The following ENTPD6 variants were observed in gnomAD, a reference collection of about 807,000 sequenced individuals.
ENTPD6 encodes CD39 antigen-like 2.
A neutral mutation model predicts 61.5 loss-of-function variants in ENTPD6; 46 were observed. The ratio of observed to expected loss-of-function variants is 0.75; its 90% CI spans 0.59 to 0.96. The LOEUF (loss-of-function observed/expected upper bound fraction) is 0.96, where lower values mean the gene tolerates loss of function less well. ENTPD6 is among the 40% of genes least tolerant of loss of function. The pLI is 0.00. For synonymous variants in ENTPD6, 252 were observed against 255.5 expected (o/e 0.99, Z 0.13); for missense variants, 612 against 629.0 (o/e 0.97, Z 0.29).
At chr20:25,196,263 A>C in intron 1 of ENTPD6, 1 of 1,064,772 alleles carries the variant, frequency 9.4e-7, no homozygotes, top group Non-Finnish European at 1.1e-6. Context: ...AGGTAGGATC[A>C]GGCCGCTCGG....
intron 12 of ENTPD6, among the ~76,000 whole-genome samples, 162 bp downstream of exon 12, chr20:25,223,140 A>C (rs1274100541): frequency 6.6e-6 from 1 of 152,122 alleles, no homozygotes; most frequent in African/African-American, 2.4e-5. Context: ...TCTCATCCTG[A>C]GTAGGAAAAG....
Position 25,218,681 on chromosome 20 carries a change from G to A in ENTPD6, c.943+67G>A, listed in dbSNP as rs1170451812. 7 of 1,471,436 alleles carry A rather than the reference G, an allele frequency of 4.8e-6. No homozygotes were observed. In the Admixed American group the frequency reaches 1.0e-4, roughly 21 times the overall value. The allele number at this position is 1,471,436 out of a possible 1,614,324, so 91.1% of individuals were successfully genotyped here. ...GCCCTCCATTCTCAGTGGGAACGAGGAGCCCCTCGGGAGGGCACCAGCTTG... is the reference window on the plus strand; with the variant it reads ...GCCCTCCATTCTCAGTGGGAACGAGAAGCCCCTCGGGAGGGCACCAGCTTG... On this transcript the variant is annotated intron_variant, in intron 10 of 14. Transcript: ENST00000376652.
At chr20:25,196,057 TG>T (rs995626395) in intron 1 of ENTPD6, 190 bp downstream of exon 1, 3 of 901,144 alleles carry the variant, frequency 3.3e-6, no homozygotes, top group South Asian at 5.8e-5. Flanking sequence ...CGCTGACCGG[TG>T]GGGGGCAAGT....
chr20:25,222,686 C>A, intron 11 of ENTPD6, 152 bp from the exon 12 acceptor site: 1 of 994,832 alleles, frequency 1.0e-6, no homozygotes, highest in Non-Finnish European at 1.5e-6. Flanking sequence ...CGGGGAGCAG[C>A]CCCAACTTGG....
intron 1 of ENTPD6, among the ~76,000 whole-genome samples, chr20:25,197,909 G>A (rs2090638307): frequency 6.6e-6 from 1 of 152,184 alleles, no homozygotes; most frequent in Non-Finnish European, 1.5e-5. Context: ...TTTGGGGACT[G>A]AAGCCAGGGA....
At chr20:25,202,464 A>G (rs987207065) in intron 1 of ENTPD6, among the ~76,000 whole-genome samples, 30 of 152,068 alleles carry the variant, frequency 2.0e-4, no homozygotes, top group African/African-American at 7.2e-4. Flanking sequence ...TTTGTCCTTC[A>G]TTACTACCTT....
chr20:25,212,712 A>G (rs2092053595), intron 4 of ENTPD6, among the ~76,000 whole-genome samples: 1 of 150,592 alleles, frequency 6.6e-6, no homozygotes, highest in Admixed American at 6.6e-5. Flanking sequence ...TTTTGTTTTG[A>G]TTTGTTTTTT....
intron 9 of ENTPD6, among the ~76,000 whole-genome samples, 187 bp from the exon 10 acceptor site, chr20:25,218,363 G>A (rs551332140): frequency 1.3e-5 from 2 of 152,302 alleles, no homozygotes; most frequent in East Asian, 3.9e-4. Context: ...ATAGGCCCTC[G>A]TGTGTTGAAT....
chr20:25,205,393 CA>C (rs2091392433), intron 1 of ENTPD6, among the ~76,000 whole-genome samples: 1 of 152,094 alleles, frequency 6.6e-6, no homozygotes, highest in Non-Finnish European at 1.5e-5. Context: ...GAATGCGTAT[CA>C]GTCTGTGCCA....
At chr20:25,215,281 G>A (rs560516591) in intron 6 of ENTPD6, among the ~76,000 whole-genome samples, 16 of 152,324 alleles carry the variant, frequency 1.1e-4, no homozygotes, top group East Asian at 1.9e-4. Context: ...ATGTTGTTGC[G>A]TTGTTAATTC....
At chr20:25,216,380 G>A (rs2092312996) in intron 7 of ENTPD6, among the ~76,000 whole-genome samples, 1 of 152,184 alleles carries the variant, frequency 6.6e-6, no homozygotes, top group Non-Finnish European at 1.5e-5. Flanking sequence ...AGCTAAGCCA[G>A]CGGCCTCCCT....
At chr20:25,197,010 T>G (rs547159585) in intron 1 of ENTPD6, 1 of 870,548 alleles carries the variant, frequency 1.1e-6, no homozygotes, top group African/African-American at 1.8e-5. Flanking sequence ...TGACGGGCGG[T>G]TCACGCACCG....
In ENTPD6 at chr20:25,200,596, C is replaced by T. The variant is rs955443627; in HGVS notation, c.-16+4729C>T. On this transcript the variant is annotated intron_variant, in intron 1 of 14. Coordinates refer to ENST00000376652, the MANE Select transcript of ENTPD6 (RefSeq NM_001247.5). ...TAGGCATACAGTTGTTCGTAGTACT[C>T]TCTTATAATCATTTTTATTCTGTAA... Among the ~76,000 whole-genome samples the T allele has an allele frequency of 3.9e-5, 6 of 152,066 alleles. 1 individual carries two copies. Among genetic ancestry groups the T allele is most frequent in the Non-Finnish European group, 5.9e-5 (4 of 68,012 alleles).
At chr20:25,222,999 T>A in intron 12 of ENTPD6, 21 bp downstream of exon 12, 1 of 1,556,936 alleles carries the variant, frequency 6.4e-7, no homozygotes, top group Non-Finnish European at 8.7e-7. Context: ...CCGGATGGGC[T>A]GAGCAGGAAG....
At position 25,227,298 on chromosome 20, in the gene ENTPD6, A is replaced by C. The variant is rs1384121360; in HGVS notation, c.*1701A>C. ...CTCCCGCCTGGGCTGGGTCCCCACC[A>C]GCGCCTTTACTTCCATAATATCCAC... On this transcript the variant is annotated 3_prime_UTR_variant, in exon 15 of 15. Coordinates refer to ENST00000376652, the MANE Select transcript of ENTPD6 (RefSeq NM_001247.5). Among the ~76,000 whole-genome samples the C allele has an allele frequency of 6.6e-6, 1 of 152,254 alleles. No individual in the cohort carries two copies. Among genetic ancestry groups the C allele is most frequent in the Non-Finnish European group, 1.5e-5 (1 of 68,044 alleles).
At position 25,226,851 on chromosome 20, in the gene ENTPD6, G is replaced by A. The variant is rs1424870376; in HGVS notation, c.*1254G>A. On this transcript the variant is annotated 3_prime_UTR_variant, in exon 15 of 15. Transcript: ENST00000376652. ...TTCCAGTCCTGTCGACATCCCTCTCGAGGACACAGCAGTGGAGGGCCCCTG... is the reference window on the plus strand; with the variant it reads ...TTCCAGTCCTGTCGACATCCCTCTCAAGGACACAGCAGTGGAGGGCCCCTG... 2.6e-5 allele frequency: 4 copies of A among 152,364 alleles called. No homozygotes were observed. The highest frequency in any genetic ancestry group is 9.6e-5 in the African/African-American group (4 of 41,462). 9.4% of individuals were successfully genotyped at this position (152,364 alleles called of 1,614,324 possible).
chr20:25,209,624 AAT>A (rs2091813512), intron 3 of ENTPD6, among the ~76,000 whole-genome samples: 1 of 151,448 alleles, frequency 6.6e-6, no homozygotes, highest in African/African-American at 2.4e-5. Context: ...TTAAAAAAAT[AAT>A]TAATTAAGAA....
chr20:25,201,185 G>A (rs2091003431), intron 1 of ENTPD6, among the ~76,000 whole-genome samples: 1 of 152,192 alleles, frequency 6.6e-6, no homozygotes, highest in Admixed American at 6.5e-5. Flanking sequence ...TGCTTTGTAT[G>A]GTTTGGATTG....
intron 4 of ENTPD6, 55 bp from the exon 5 acceptor site, chr20:25,213,208 G>A: frequency 6.2e-7 from 1 of 1,609,026 alleles, no homozygotes; most frequent in Non-Finnish European, 8.5e-7. Context: ...AGCAGCACGT[G>A]TGACCCTGTA....
Sources: allele counts gnomAD v4.1 joint callset (sites outside exome capture counted in the v4.1 genomes callset), GRCh38; gene constraint gnomAD v4.1.1; transcripts MANE v1.5; gene names NCBI Gene and HGNC (gene_info 2026-07-23, HGNC 2026-07-21).